Variants in KAZN observed in about 807,000 individuals in gnomAD.
KAZN encodes the protein kazrin.
A neutral mutation model predicts 87.4 loss-of-function variants in KAZN; 40 were observed. The ratio of observed to expected loss-of-function variants is 0.46; its 90% CI spans 0.36 to 0.60. The LOEUF (loss-of-function observed/expected upper bound fraction) is 0.60. Among genes scored for constraint, KAZN ranks in the 20% least tolerant of loss-of-function variants. The pLI, the probability that KAZN is intolerant of heterozygous loss-of-function variation, is 0.00. For missense variants in KAZN, 898 were observed against 1,073.9 expected (o/e 0.84, Z 2.29); for synonymous variants, 466 against 458.3 (o/e 1.02, Z -0.22).
chr1:14,453,613 A>G (rs955997763), intron 2 of KAZN, among the ~76,000 whole-genome samples: 4 of 152,126 alleles, frequency 2.6e-5, no homozygotes, highest in African/African-American at 9.7e-5. Flanking sequence ...AGGTGGGCGG[A>G]TCACTTGAGG....
chr1:14,826,664 C>A (rs1218605643), intron 1 of KAZN, among the ~76,000 whole-genome samples: 2 of 152,134 alleles, frequency 1.3e-5, no homozygotes, highest in Admixed American at 1.3e-4. Context: ...CTGTTAAGTT[C>A]CTCTCCAGTA....
intron 1 of KAZN, among the ~76,000 whole-genome samples, chr1:14,859,771 T>G (rs1650610490): frequency 6.6e-6 from 1 of 152,202 alleles, no homozygotes; most frequent in Admixed American, 6.5e-5. Context: ...TTTTTCTGCA[T>G]GTCTAAAGCA....
At chr1:14,582,305 C>T (rs1557815045) in intron 2 of KAZN, among the ~76,000 whole-genome samples, 1 of 152,182 alleles carries the variant, frequency 6.6e-6, no homozygotes, top group Non-Finnish European at 1.5e-5. Flanking sequence ...GATTTGCCAT[C>T]TTAAAGTGGG....
chr1:14,681,716 G>A (rs1433151809), intron 1 of KAZN, among the ~76,000 whole-genome samples: 3 of 109,826 alleles, frequency 2.7e-5, no homozygotes, highest in African/African-American at 1.1e-4. Flanking sequence ...TCGCTCTGTC[G>A]CCCAGGCTGG....
intron 1 of KAZN, among the ~76,000 whole-genome samples, chr1:14,746,281 G>C (rs1644257981): frequency 6.6e-6 from 1 of 152,098 alleles, no homozygotes; most frequent in East Asian, 1.9e-4. Context: ...TGCAGGTGGA[G>C]TTTCTGGAGT....
chr1:15,034,517 A>G (rs1672056749), intron 2 of KAZN, among the ~76,000 whole-genome samples: 2 of 152,220 alleles, frequency 1.3e-5, no homozygotes, highest in South Asian at 4.1e-4. Flanking sequence ...CTCCCTGGTC[A>G]GATTGACACA....
At chr1:14,419,732 G>T (rs1665217457) in intron 2 of KAZN, among the ~76,000 whole-genome samples, 1 of 152,084 alleles carries the variant, frequency 6.6e-6, no homozygotes, top group Admixed American at 6.5e-5. Context: ...CCTCCGCGGT[G>T]AGCGTTAGGA....
chr1:14,733,644 G>T (rs949228967), intron 1 of KAZN, among the ~76,000 whole-genome samples: 2 of 152,046 alleles, frequency 1.3e-5, no homozygotes, highest in Non-Finnish European at 2.9e-5. Context: ...GGTTCTCCCA[G>T]GGCCCCTTTG....
intron 1 of KAZN, among the ~76,000 whole-genome samples, chr1:14,742,139 C>T (rs1390129102): frequency 6.6e-6 from 1 of 152,212 alleles, no homozygotes; most frequent in East Asian, 1.9e-4. Flanking sequence ...AAAGGAGGAA[C>T]TGTGAGTGGG....
chr1:14,356,481 TAGTC>T (rs1212977248), intron 2 of KAZN, among the ~76,000 whole-genome samples: 2 of 152,234 alleles, frequency 1.3e-5, no homozygotes, highest in Non-Finnish European at 2.9e-5. Flanking sequence ...TTTGGTGTTT[TAGTC>T]ATGAAGTTTT....
chr1:14,809,908 A>C (rs1646352997), intron 1 of KAZN, among the ~76,000 whole-genome samples: 1 of 152,146 alleles, frequency 6.6e-6, no homozygotes, highest in South Asian at 2.1e-4. Flanking sequence ...GGATCATGAA[A>C]AACATAATAC....
At chr1:14,349,213 T>G (rs577713275) in intron 2 of KAZN, 20 of 152,276 alleles carry the variant, frequency 1.3e-4, no homozygotes, top group African/African-American at 4.8e-4. Context: ...CCAGGAGGGA[T>G]ACATGGCTGG....
chr1:14,798,883 C>T (rs1429829208), intron 1 of KAZN, among the ~76,000 whole-genome samples: 2 of 152,220 alleles, frequency 1.3e-5, no homozygotes, highest in African/African-American at 2.4e-5. Flanking sequence ...ACCTCAGCCT[C>T]CCAAGTAGCT....
chr1:14,134,971 A>G (rs774872335), intron 1 of KAZN, among the ~76,000 whole-genome samples: 3 of 10,448 alleles, frequency 2.9e-4, no homozygotes, highest in Admixed American at 1.3e-3. Context: ...ATGCACCCGC[A>G]CACACACACA....
chr1:14,953,577 T>C (rs903480713), intron 1 of KAZN, among the ~76,000 whole-genome samples: 1 of 152,222 alleles, frequency 6.6e-6, no homozygotes, highest in Non-Finnish European at 1.5e-5. Flanking sequence ...GTTAAGTAGG[T>C]AAAATACAGC....
intron 1 of KAZN, among the ~76,000 whole-genome samples, chr1:14,891,334 C>CA (rs1654703436): frequency 6.6e-6 from 1 of 152,134 alleles, no homozygotes; most frequent in African/African-American, 2.4e-5. Flanking sequence ...CCTGAGTCCC[C>CA]AGAGTCCATT....
chr1:14,477,855 C>T (rs907048377), intron 2 of KAZN, among the ~76,000 whole-genome samples: 12 of 152,152 alleles, frequency 7.9e-5, no homozygotes, highest in African/African-American at 1.9e-4. Flanking sequence ...TGAATGGGGC[C>T]GTGGAGTCGG....
chr1:13,971,053 C>T (rs565245270), intron 1 of KAZN, among the ~76,000 whole-genome samples: 1 of 152,162 alleles, frequency 6.6e-6, no homozygotes, highest in East Asian at 1.9e-4. Context: ...AGGCTGTGCT[C>T]AGCAGGGAGG....
At chr1:14,536,076 C>T (rs1477792159) in intron 2 of KAZN, among the ~76,000 whole-genome samples, 7 of 152,190 alleles carry the variant, frequency 4.6e-5, no homozygotes, top group Non-Finnish European at 8.8e-5. Flanking sequence ...CTGTACAGGG[C>T]CTCTCCAGTT....
Sources: gnomAD v4.1 joint callset for allele counts (sites outside exome capture counted in the v4.1 genomes callset) on GRCh38, gnomAD v4.1.1 for gene constraint, MANE v1.5 for transcripts, NCBI Gene and HGNC (gene_info 2026-07-23, HGNC 2026-07-21) for gene names.